The following CCDC18 variants were observed in gnomAD, a reference collection of about 807,000 sequenced individuals.
CCDC18 encodes coiled-coil domain-containing protein 18.
Under a neutral mutation model 196.0 loss-of-function variants are expected in CCDC18, and 157 were observed. The observed-to-expected ratio is 0.80, with a 90% CI of 0.70 to 0.91. The LOEUF (loss-of-function observed/expected upper bound fraction) is 0.91, where lower values mean the gene tolerates loss of function less well. Ranked by LOEUF, CCDC18 falls within the 40% of genes least tolerant of loss-of-function variation. The pLI, the probability that CCDC18 is intolerant of heterozygous loss-of-function variation, is 0.00. For synonymous variants in CCDC18, 482 were observed against 529.2 expected, an observed-to-expected ratio of 0.91 and a Z score of 1.22; for missense variants, 1,465 against 1,611.6, an observed-to-expected ratio of 0.91 and a Z score of 1.56.
chr1:93,267,040 C>A (rs1664619238), intron 27 of CCDC18, among the ~76,000 whole-genome samples: 1 of 152,138 alleles, frequency 6.6e-6, no homozygotes, highest in Non-Finnish European at 1.5e-5. Context: ...ATGCAAAAAT[C>A]CTCAATAAAA....
chr1:93,241,723 C>CAAAAAAAAAAAAAAAAAAAAAAAAAAAA (rs35810581), intron 21 of CCDC18, among the ~76,000 whole-genome samples: 1 of 59,956 alleles, frequency 1.7e-5, no homozygotes, highest in Non-Finnish European at 3.1e-5. Context: ...GACTCCATCT[C>CAAAAAAAAAAAAAAAAAAAAAAAAAAAA]AAAAAAAAAA....
At chr1:93,262,958 T>G (rs751860044) in intron 26 of CCDC18, among the ~76,000 whole-genome samples, 11 of 152,100 alleles carry the variant, frequency 7.2e-5, no homozygotes, top group Non-Finnish European at 1.2e-4. Flanking sequence ...ACCTGCAGAC[T>G]TAACACCACA....
intron 27 of CCDC18, 107 bp downstream of exon 27, chr1:93,265,008 C>G: frequency 1.4e-6 from 1 of 703,966 alleles, no homozygotes; most frequent in Non-Finnish European, 2.4e-6. Context: ...AAATATTGGC[C>G]TGTTTGAATA....
intron 24 of CCDC18, among the ~76,000 whole-genome samples, chr1:93,255,794 G>A (rs1017800122): frequency 1.3e-5 from 2 of 151,568 alleles, no homozygotes. Flanking sequence ...GGAAGAAGAA[G>A]GAGGGGGGAG....
At chr1:93,214,620 G>T (rs1656191040) in intron 11 of CCDC18, 123 bp from the exon 12 acceptor site, 5 of 619,046 alleles carry the variant, frequency 8.1e-6, no homozygotes, top group Non-Finnish European at 1.4e-5. Flanking sequence ...CTCATTCTCT[G>T]TCCCTTTTAG....
At chr1:93,231,360 TTC>T (rs2100696766) in intron 17 of CCDC18, among the ~76,000 whole-genome samples, 2 of 152,292 alleles carry the variant, frequency 1.3e-5, no homozygotes, top group Admixed American at 1.3e-4. Flanking sequence ...GTTTTCATTT[TTC>T]TGTTTGCATG....
At chr1:93,180,595 C>A, upstream of CCDC18, 1 of 1,374,250 alleles carries the variant, frequency 7.3e-7, no homozygotes, top group Non-Finnish European at 9.6e-7. Flanking sequence ...GGGCGGGCTC[C>A]GCTAGTGGGC....
chr1:93,245,809 T>G (rs190497573), intron 21 of CCDC18, among the ~76,000 whole-genome samples: 305 of 152,256 alleles, frequency 2.0e-3, no homozygotes, highest in South Asian at 7.5e-3. Flanking sequence ...TTAAAAATTC[T>G]TATAATCATT....
At chr1:93,215,455 CT>C (rs60117060) in intron 12 of CCDC18, among the ~76,000 whole-genome samples, 11,627 of 139,822 alleles carry the variant, frequency 0.083, 1,448 homozygotes, top group African/African-American at 0.28. Flanking sequence ...TTTTCTTTTT[CT>C]TTTTTTTTTT....
At chr1:93,262,132 G>A (rs1333331587) in intron 26 of CCDC18, 1 of 152,124 alleles carries the variant, frequency 6.6e-6, no homozygotes, top group Non-Finnish European at 1.5e-5. Flanking sequence ...GCTCCCACCA[G>A]GTACCTTCCT....
Position 93,205,470 on chromosome 1 carries a change from T to TA in CCDC18, c.796-39dup, listed in dbSNP as rs768276353. 2.6e-6 allele frequency: 4 copies of TA among 1,537,968 alleles called. No individual in the cohort carries two copies. In the African/African-American group the frequency reaches 5.6e-5, roughly 22 times the overall value. On this transcript the variant is annotated intron_variant, in intron 7 of 28. Coordinates refer to ENST00000690025, the MANE Select transcript of CCDC18 (RefSeq NM_001378204.1). ...TTTTTAGCTTGAAACACCTAAAACT[T>TA]ACAACCACATTAGTATGTCCACTTA...
At chr1:93,251,002 T>C (rs1570573314) in intron 23 of CCDC18, among the ~76,000 whole-genome samples, 1 of 152,340 alleles carries the variant, frequency 6.6e-6, no homozygotes, top group East Asian at 1.9e-4. Context: ...GTTACTTGTT[T>C]CTTAGTTGTT....
intron 1 of CCDC18, 151 bp from the exon 2 acceptor site, chr1:93,183,209 A>G (rs540448427): frequency 4.0e-6 from 2 of 494,384 alleles, no homozygotes; most frequent in African/African-American, 2.0e-5. Context: ...ATTCATTATT[A>G]TTGATTTTTT....
Position 93,239,670 on chromosome 1 carries a change from C to T in CCDC18, c.2768-13C>T. ...TTACATATAGTTATAAAATTATTCT[C>T]TCCTCTTAATAGTAAAGGAGTTAGA... On this transcript the variant is annotated splice_polypyrimidine_tract_variant and intron_variant, in intron 20 of 28. Coordinates refer to ENST00000690025, the MANE Select transcript of CCDC18 (RefSeq NM_001378204.1). 1.9e-6 allele frequency: 3 copies of T among 1,546,864 alleles called. No homozygotes were observed. In the South Asian group the frequency reaches 3.5e-5, roughly 18 times the overall value.
chr1:93,238,132 T>C (rs988964974), intron 19 of CCDC18, among the ~76,000 whole-genome samples: 8 of 152,214 alleles, frequency 5.3e-5, no homozygotes, highest in Non-Finnish European at 1.0e-4. Context: ...CCTAACTCCT[T>C]TGCTGACAAG....
intron 4 of CCDC18, among the ~76,000 whole-genome samples, 169 bp downstream of exon 4, chr1:93,186,672 T>C (rs1172540611): frequency 6.6e-6 from 1 of 152,014 alleles, no homozygotes; most frequent in Non-Finnish European, 1.5e-5. Context: ...GTATGAATTA[T>C]ATCTGAAAAT....
rs1338412802 is a variant in CCDC18 at position 93,246,931 on chromosome 1, G to C, written c.3175G>C (p.Glu1059Gln). 7.5e-7 allele frequency: 1 copy of C among 1,338,484 alleles called. No individual in the cohort carries two copies. Among genetic ancestry groups the C allele is most frequent in the Non-Finnish European group, 1.0e-6 (1 of 957,452 alleles). The allele number at this position is 1,338,484 out of a possible 1,614,324, so 82.9% of individuals were successfully genotyped here. A position where few individuals can be genotyped will look rare whatever the true frequency, so the allele number is the denominator to read the frequency against. The change falls in exon 23 of 29, where the codon GAA (glutamate) becomes CAA (glutamine). Residue 1059 changes from glutamate to glutamine, a missense_variant. By Grantham distance (29) the Glu-to-Gln change is conservative. Transcript: ENST00000690025. ...LEGTLEKSEL[E>Q]LKECNKQIES... Reference sequence around the variant, plus strand: ...AGGTACTCTGGAGAAATCAGAATTGGAACTTAAAGAATGTAACAAACAGGT... The same window carrying C: ...AGGTACTCTGGAGAAATCAGAATTGCAACTTAAAGAATGTAACAAACAGGT...
intron 4 of CCDC18, among the ~76,000 whole-genome samples, chr1:93,187,388 A>G (rs7529230): frequency 0.089 from 13,586 of 152,024 alleles, 1,996 homozygotes; most frequent in African/African-American, 0.31. Context: ...AGCAGTACAC[A>G]CATGTATAAT....
intron 9 of CCDC18, among the ~76,000 whole-genome samples, chr1:93,207,928 C>T (rs1175912603): frequency 1.3e-5 from 2 of 152,080 alleles, no homozygotes; most frequent in East Asian, 1.9e-4. Context: ...TTCTTAGAGT[C>T]GTTCATGTTG....
Sources: allele counts gnomAD v4.1 joint callset (sites outside exome capture counted in the v4.1 genomes callset), GRCh38; gene constraint gnomAD v4.1.1; transcripts MANE v1.5; gene names NCBI Gene and HGNC (gene_info 2026-07-23, HGNC 2026-07-21).